ETV6: variants seen among roughly 807,000 people sequenced by gnomAD.
The protein encoded by ETV6 is ETS variant transcription factor 6, also known as transcription factor ETV6.
ETV6 carries 16 observed loss-of-function variants against 51.1 expected under a neutral mutation model. That is an observed-to-expected ratio of 0.31 (90% CI 0.21 to 0.48). The LOEUF is 0.48. ETV6 is among the 20% of genes least tolerant of loss of function. ETV6 has a pLI of 0.99. For missense variants in ETV6, 458 were observed against 594.8 expected (o/e 0.77, Z 2.39); for synonymous variants, 240 against 224.1 (o/e 1.07, Z -0.64).
At chr12:11,813,119 C>T (rs79277025) in intron 2 of ETV6, among the ~76,000 whole-genome samples, 5,835 of 152,354 alleles carry the variant, frequency 0.038, 383 homozygotes, top group African/African-American at 0.13. Context: ...ACAGCTTCAG[C>T]AAACCTGCCC....
At chr12:11,818,153 T>G (rs1946021728) in intron 2 of ETV6, among the ~76,000 whole-genome samples, 2 of 152,138 alleles carry the variant, frequency 1.3e-5, no homozygotes, top group African/African-American at 2.4e-5. Context: ...ATAAGGAAGT[T>G]GAATGCCTCT....
chr12:11,877,542 A>C (rs932841320), intron 5 of ETV6, among the ~76,000 whole-genome samples: 3 of 152,136 alleles, frequency 2.0e-5, no homozygotes, highest in Non-Finnish European at 2.9e-5. Flanking sequence ...TGTCCCCAGA[A>C]GCCACAGGGA....
intron 1 of ETV6, among the ~76,000 whole-genome samples, chr12:11,661,671 C>T (rs187380348): frequency 8.5e-5 from 13 of 152,368 alleles, no homozygotes; most frequent in African/African-American, 3.1e-4. Flanking sequence ...TTAGTCCTTC[C>T]CTTCATCTGC....
At chr12:11,663,757 T>TTG (rs59364007) in intron 1 of ETV6, among the ~76,000 whole-genome samples, 3 of 151,404 alleles carry the variant, frequency 2.0e-5, no homozygotes, top group South Asian at 2.1e-4. Context: ...TGTTGGTAGG[T>TTG]TGTGTGTGTG....
At chr12:11,702,257 G>A (rs1231784389) in intron 1 of ETV6, among the ~76,000 whole-genome samples, 2 of 152,196 alleles carry the variant, frequency 1.3e-5, no homozygotes, top group African/African-American at 2.4e-5. Flanking sequence ...CCTGTTGACA[G>A]CAGAGTTTGT....
At chr12:11,671,649 T>C (rs1459446740) in intron 1 of ETV6, among the ~76,000 whole-genome samples, 1 of 152,182 alleles carries the variant, frequency 6.6e-6, no homozygotes, top group East Asian at 1.9e-4. Context: ...TAACAGAATT[T>C]AGACATTTAG....
chr12:11,855,546 C>T (rs889886939), intron 4 of ETV6, among the ~76,000 whole-genome samples: 8 of 152,308 alleles, frequency 5.3e-5, no homozygotes, highest in East Asian at 1.9e-4. Flanking sequence ...AATGATTGCT[C>T]ATCCCCAAGA....
chr12:11,671,395 A>G (rs12305853), intron 1 of ETV6, among the ~76,000 whole-genome samples: 4,224 of 152,326 alleles, frequency 0.028, 216 homozygotes, highest in African/African-American at 0.096. Context: ...TTGGATAGAA[A>G]GAAATGAGAT....
intron 7 of ETV6, among the ~76,000 whole-genome samples, chr12:11,886,624 G>C (rs537793166): frequency 2.0e-5 from 3 of 152,276 alleles, no homozygotes; most frequent in Non-Finnish European, 4.4e-5. Flanking sequence ...ATAATGCATC[G>C]TAGTCAGAAT....
At chr12:11,797,924 TTATAA>T (rs1028188237) in intron 2 of ETV6, among the ~76,000 whole-genome samples, 5 of 152,250 alleles carry the variant, frequency 3.3e-5, no homozygotes, top group Non-Finnish European at 5.9e-5. Context: ...GCTAGAATGC[TTATAA>T]TATAAGATAG....
At chr12:11,806,932 G>A (rs1211593974) in intron 2 of ETV6, among the ~76,000 whole-genome samples, 1 of 152,240 alleles carries the variant, frequency 6.6e-6, no homozygotes, top group African/African-American at 2.4e-5. Context: ...AACAAGCTAA[G>A]CATTTCTTAA....
chr12:11,660,646 T>C (rs1183311209), intron 1 of ETV6, among the ~76,000 whole-genome samples: 1 of 151,244 alleles, frequency 6.6e-6, no homozygotes, highest in Admixed American at 6.6e-5. Flanking sequence ...GGGAATTTGC[T>C]AAGCTCTTTT....
At chr12:11,883,952 C>G (rs1947146433) in intron 5 of ETV6, among the ~76,000 whole-genome samples, 1 of 152,256 alleles carries the variant, frequency 6.6e-6, no homozygotes, top group East Asian at 1.9e-4. Context: ...CCTACCCCAG[C>G]CTTCTCATCT....
intron 1 of ETV6, among the ~76,000 whole-genome samples, chr12:11,712,418 C>T (rs949862829): frequency 6.6e-5 from 10 of 152,162 alleles, no homozygotes; most frequent in East Asian, 5.8e-4. Context: ...CCTTCTTAGA[C>T]GTGTGACTTT....
At chr12:11,655,383 C>T (rs769451468) in intron 1 of ETV6, among the ~76,000 whole-genome samples, 1 of 152,080 alleles carries the variant, frequency 6.6e-6, no homozygotes, top group Admixed American at 6.5e-5. Flanking sequence ...AGGGTTCCCA[C>T]GCCAAAAGGG....
At chr12:11,679,008 C>T (rs756615402) in intron 1 of ETV6, among the ~76,000 whole-genome samples, 28 of 152,164 alleles carry the variant, frequency 1.8e-4, no homozygotes, top group Admixed American at 3.9e-4. Context: ...AAACACCCTC[C>T]TAGACACACC....
At chr12:11,699,482 A>T (rs533315426) in intron 1 of ETV6, among the ~76,000 whole-genome samples, 1 of 152,224 alleles carries the variant, frequency 6.6e-6, no homozygotes, top group Non-Finnish European at 1.5e-5. Flanking sequence ...AGGGATGTAC[A>T]AGATTTAATT....
intron 1 of ETV6, among the ~76,000 whole-genome samples, chr12:11,674,172 G>A (rs112314707): frequency 2.2e-4 from 34 of 152,244 alleles, no homozygotes; most frequent in African/African-American, 7.0e-4. Context: ...TGGCCAGATC[G>A]TTCGCTTCCT....
intron 2 of ETV6, among the ~76,000 whole-genome samples, chr12:11,774,350 C>T (rs551680294): frequency 2.0e-5 from 3 of 152,152 alleles, no homozygotes; most frequent in East Asian, 1.9e-4. Context: ...GTGTTAACCA[C>T]GCAAGAGAGT....
Sources: allele counts gnomAD v4.1 joint callset (sites outside exome capture counted in the v4.1 genomes callset), GRCh38; gene constraint gnomAD v4.1.1; transcripts MANE v1.5; gene names NCBI Gene and HGNC (gene_info 2026-07-23, HGNC 2026-07-21).